KLF8: variants seen among roughly 807,000 people sequenced by gnomAD.
KLF8 encodes Krueppel-like factor 8.
Under a neutral mutation model 18.2 loss-of-function variants are expected in KLF8, and 10 were observed. The observed-to-expected ratio is 0.55, with a 90% CI of 0.34 to 0.93. KLF8 has a LOEUF of 0.93. KLF8 is among the 40% of genes least tolerant of loss of function. The pLI is 0.02. For missense variants in KLF8, 264 were observed against 277.9 expected (o/e 0.95, Z 0.36); for synonymous variants, 109 against 97.3 (o/e 1.12, Z -0.71).
At chrX:56,195,777 T>C in the KLF8 span, among the ~76,000 whole-genome samples, 2 of 111,169 alleles carry the variant, frequency 1.8e-5, no homozygotes, top group Non-Finnish European at 3.8e-5. Context: ...AGACACATAA[T>C]TGTCAGATTC....
At chrX:56,030,513 A>C in the KLF8 span, among the ~76,000 whole-genome samples, 1 of 111,338 alleles carries the variant, frequency 9.0e-6, no homozygotes, top group Non-Finnish European at 1.9e-5. Context: ...TTTCCAATTG[A>C]GGAAGTCAGC....
At chrX:55,939,628 G>C in the KLF8 span, among the ~76,000 whole-genome samples, 1 of 111,190 alleles carries the variant, frequency 9.0e-6, no homozygotes, top group Non-Finnish European at 1.9e-5. Context: ...TAGACCACTA[G>C]CAAGAGTAAT....
the KLF8 span, among the ~76,000 whole-genome samples, chrX:56,168,093 G>A: frequency 1.8e-5 from 2 of 111,543 alleles, no homozygotes; most frequent in Non-Finnish European, 3.8e-5. Context: ...TGGAAAATTG[G>A]TGAAAGTCAT....
chrX:56,011,995 C>T, the KLF8 span, among the ~76,000 whole-genome samples: 4 of 111,445 alleles, frequency 3.6e-5, no homozygotes, highest in African/African-American at 9.8e-5. Flanking sequence ...CAGGACCAGA[C>T]GGATTTACAG....
At chrX:56,018,929 A>T in the KLF8 span, among the ~76,000 whole-genome samples, 1 of 111,277 alleles carries the variant, frequency 9.0e-6, no homozygotes, top group Non-Finnish European at 1.9e-5. Context: ...AGGATCTCAG[A>T]AAAGTGACTA....
At chrX:56,188,756 A>G in the KLF8 span, among the ~76,000 whole-genome samples, 6 of 112,219 alleles carry the variant, frequency 5.3e-5, no homozygotes, top group Admixed American at 1.9e-4. Flanking sequence ...CCTGAGAAAA[A>G]CAAGCAATGG....
chrX:56,005,174 C>T, the KLF8 span, among the ~76,000 whole-genome samples: 1 of 110,445 alleles, frequency 9.1e-6, no homozygotes, highest in Non-Finnish European at 1.9e-5. Flanking sequence ...TCCAGAGTAG[C>T]TGGGATTACA....
At chrX:56,141,196 A>G in the KLF8 span, among the ~76,000 whole-genome samples, 1 of 111,699 alleles carries the variant, frequency 9.0e-6, no homozygotes, top group African/African-American at 3.3e-5. Context: ...TGAACTCCTG[A>G]GCTCAAGTGA....
the KLF8 span, among the ~76,000 whole-genome samples, chrX:56,018,441 A>G: frequency 8.9e-6 from 1 of 111,837 alleles, no homozygotes; most frequent in East Asian, 2.8e-4. Flanking sequence ...GTCATAATAA[A>G]GACTTTAGAG....
chrX:56,098,654 C>A, the KLF8 span, among the ~76,000 whole-genome samples: 3 of 111,414 alleles, frequency 2.7e-5, no homozygotes, highest in South Asian at 3.7e-4. Flanking sequence ...AAACTGAAAG[C>A]TTTTCATCTA....
the KLF8 span, among the ~76,000 whole-genome samples, chrX:56,029,442 T>A: frequency 9.0e-6 from 1 of 111,053 alleles, no homozygotes; most frequent in Non-Finnish European, 1.9e-5. Flanking sequence ...AAAACCTGCT[T>A]GGTGGAGACT....
the KLF8 span, among the ~76,000 whole-genome samples, chrX:56,082,344 T>C: frequency 2.7e-5 from 3 of 109,844 alleles, no homozygotes; most frequent in Non-Finnish European, 5.7e-5. Context: ...GTGTCTTCTC[T>C]TTTTTTTTAG....
At chrX:56,187,280 G>A in the KLF8 span, among the ~76,000 whole-genome samples, 1 of 111,728 alleles carries the variant, frequency 9.0e-6, no homozygotes, top group African/African-American at 3.3e-5. Flanking sequence ...TAGAAGAAAT[G>A]GATAAATTCC....
the KLF8 span, among the ~76,000 whole-genome samples, chrX:55,980,398 G>A: frequency 1.8e-5 from 2 of 111,634 alleles, no homozygotes; most frequent in African/African-American, 6.5e-5. Context: ...ATAGGGAATA[G>A]AGGAGGGTAA....
chrX:56,265,195 C>A lies in KLF8; in HGVS notation c.97C>A (p.Arg33=). ...QVFKQVTASV[R]NRDPPEIEYR... is the part of the protein sequence containing the mutation. Reference sequence around the variant, plus strand: ...TTTATTTAAGGTCACTGCTTCTGTTCGGAACAGAGATCCCCCTGAGATAGA... The same window carrying A: ...TTTATTTAAGGTCACTGCTTCTGTTAGGAACAGAGATCCCCCTGAGATAGA... Residue 33 remains arginine, a synonymous_variant, in exon 3 of 6, where the codon CGG becomes AGG. Coordinates refer to ENST00000468660, the MANE Select transcript of KLF8 (RefSeq NM_007250.5). 8.3e-7 allele frequency: 1 copy of A among 1,198,517 alleles called. No homozygotes were observed. The highest frequency in any genetic ancestry group is 3.0e-5 in the East Asian group (1 of 33,681).
chrX:56,093,949 GT>G, the KLF8 span, among the ~76,000 whole-genome samples: 9 of 98,342 alleles, frequency 9.2e-5, no homozygotes, highest in African/African-American at 3.5e-4. Context: ...GTGTGTGTGT[GT>G]ATGAGAGAGA....
At chrX:56,112,217 C>G in the KLF8 span, among the ~76,000 whole-genome samples, 1 of 111,606 alleles carries the variant, frequency 9.0e-6, no homozygotes, top group Non-Finnish European at 1.9e-5. Flanking sequence ...TCATTCTCAA[C>G]AAGCTAACAC....
At chrX:56,019,735 T>C in the KLF8 span, among the ~76,000 whole-genome samples, 1 of 111,742 alleles carries the variant, frequency 8.9e-6, no homozygotes. Context: ...AAACCAAGAA[T>C]AGTTATCTTG....
the KLF8 span, among the ~76,000 whole-genome samples, chrX:56,188,084 G>A: frequency 1.8e-5 from 2 of 110,901 alleles, no homozygotes; most frequent in Non-Finnish European, 3.8e-5. Context: ...AAGTCAAATT[G>A]TCCCTGTTTG....
Sources: gnomAD v4.1 joint callset for allele counts (sites outside exome capture counted in the v4.1 genomes callset) on GRCh38, gnomAD v4.1.1 for gene constraint, MANE v1.5 for transcripts, NCBI Gene and HGNC (gene_info 2026-07-23, HGNC 2026-07-21) for gene names.